SNTB1: variants seen among roughly 807,000 people sequenced by gnomAD.
SNTB1 encodes the protein syntrophin beta 1.
In SNTB1, 36 loss-of-function variants were observed where a neutral mutation model predicts 48.9. That is an observed-to-expected ratio of 0.74 (90% CI 0.56 to 0.97). The LOEUF is 0.97. SNTB1 is among the 50% of genes least tolerant of loss of function. SNTB1 has a pLI of 0.00. For synonymous variants in SNTB1, 299 were observed against 294.6 expected (o/e 1.01, Z -0.15); for missense variants, 786 against 703.4 (o/e 1.12, Z -1.33).
At chr8:120,561,038 G>A (rs1204445635) in intron 4 of SNTB1, among the ~76,000 whole-genome samples, 1 of 152,026 alleles carries the variant, frequency 6.6e-6, no homozygotes, top group Non-Finnish European at 1.5e-5. Context: ...GGAAACAGAA[G>A]GGAAAGAGGC....
At position 120,811,558 on chromosome 8, in the gene SNTB1, T is replaced by TGAA; in HGVS notation, c.283_285dup (p.Phe95dup). On this transcript the variant is annotated inframe_insertion, in exon 1 of 7. Transcript: ENST00000517992. Reference sequence around the variant, plus strand: ...TCGGGCACCTGCTCGGGCAGGTCGGTGAAAGCGGTGCGGACCCCGGCGGGC... The same window carrying TGAA: ...TCGGGCACCTGCTCGGGCAGGTCGGTGAAGAAAGCGGTGCGGACCCCGGCGGGC... 6.3e-7 allele frequency: 1 copy of TGAA among 1,590,578 alleles called. No homozygotes were observed. The highest frequency in any genetic ancestry group is 8.6e-7 in the Non-Finnish European group (1 of 1,168,660).
intron 2 of SNTB1, among the ~76,000 whole-genome samples, chr8:120,633,893 A>G (rs892475150): frequency 2.0e-5 from 3 of 152,202 alleles, no homozygotes; most frequent in Admixed American, 2.0e-4. Flanking sequence ...TATCAAAACT[A>G]GGAAACTGAC....
chr8:120,779,706 G>C (rs576235750), intron 1 of SNTB1, among the ~76,000 whole-genome samples: 87 of 152,276 alleles, frequency 5.7e-4, no homozygotes, highest in African/African-American at 2.1e-3. Flanking sequence ...GGCAGGGACA[G>C]AGCCGGAGCG....
intron 2 of SNTB1, among the ~76,000 whole-genome samples, chr8:120,647,341 G>A (rs1396173666): frequency 7.4e-5 from 11 of 148,216 alleles, no homozygotes; most frequent in South Asian, 6.6e-4. Flanking sequence ...CTTTGAATGC[G>A]TCCCAGAGAT....
At chr8:120,687,667 A>G (rs8180897) in intron 2 of SNTB1, among the ~76,000 whole-genome samples, 73,391 of 152,110 alleles carry the variant, frequency 0.48, 23,143 homozygotes, top group African/African-American at 0.87. Context: ...AGAGTGCATC[A>G]CTATTCTTTG....
At chr8:120,648,670 T>C (rs1256001480) in intron 2 of SNTB1, among the ~76,000 whole-genome samples, 3 of 151,710 alleles carry the variant, frequency 2.0e-5, no homozygotes, top group Admixed American at 6.6e-5. Context: ...TCGAGGAGTA[T>C]CTTTGTGGCG....
chr8:120,553,098 T>C (rs1815510092), intron 4 of SNTB1, among the ~76,000 whole-genome samples: 1 of 152,192 alleles, frequency 6.6e-6, no homozygotes, highest in Non-Finnish European at 1.5e-5. Flanking sequence ...TGCAGTCCCA[T>C]TCCTAACAGG....
chr8:120,770,697 T>C (rs1159113359), intron 1 of SNTB1, among the ~76,000 whole-genome samples: 3 of 151,956 alleles, frequency 2.0e-5, no homozygotes, highest in Admixed American at 6.6e-5. Flanking sequence ...CCGGTAATCC[T>C]AGCTACTCAG....
intron 3 of SNTB1, among the ~76,000 whole-genome samples, chr8:120,579,266 G>A (rs1477133479): frequency 6.6e-6 from 1 of 152,182 alleles, no homozygotes; most frequent in Non-Finnish European, 1.5e-5. Flanking sequence ...CCTCCCAGTG[G>A]GGATCTTGGC....
intron 3 of SNTB1, among the ~76,000 whole-genome samples, chr8:120,592,694 A>G (rs1816262034): frequency 6.6e-6 from 1 of 152,184 alleles, no homozygotes; most frequent in Non-Finnish European, 1.5e-5. Context: ...CAGGCATTAC[A>G]TAAGCCGTCA....
intron 1 of SNTB1, among the ~76,000 whole-genome samples, chr8:120,705,417 TTAA>T (rs1818365145): frequency 2.0e-5 from 3 of 152,210 alleles, no homozygotes. Flanking sequence ...TGTACAGGAC[TTAA>T]TAACTGGGGA....
intron 3 of SNTB1, among the ~76,000 whole-genome samples, chr8:120,598,253 C>T (rs1342784097): frequency 6.6e-6 from 1 of 152,148 alleles, no homozygotes; most frequent in Non-Finnish European, 1.5e-5. Flanking sequence ...GAACTCAGGG[C>T]TTATCTGGTC....
intron 5 of SNTB1, among the ~76,000 whole-genome samples, chr8:120,548,361 TC>T (rs1815418205): frequency 6.6e-6 from 1 of 152,204 alleles, no homozygotes; most frequent in South Asian, 2.1e-4. Context: ...TGTTTTCTGA[TC>T]AATCCTATTA....
At chr8:120,709,486 G>A (rs1229129801) in intron 1 of SNTB1, among the ~76,000 whole-genome samples, 2 of 152,156 alleles carry the variant, frequency 1.3e-5, no homozygotes, top group African/African-American at 4.8e-5. Flanking sequence ...AGTTCCAGTG[G>A]AAGGAGATGT....
At chr8:120,810,744 T>C (rs948057412) in intron 1 of SNTB1, among the ~76,000 whole-genome samples, 1 of 152,144 alleles carries the variant, frequency 6.6e-6, no homozygotes, top group African/African-American at 2.4e-5. Context: ...TTCACAATAT[T>C]GCCACCTCTC....
rs1418861822 is a variant in SNTB1 at position 120,632,609 on chromosome 8, G to C, written c.831C>G (p.Ile277Met). ...CCGTGGCTGAGTCCTTGCTCCTTAG[G>C]ATCACCGTGTGCTTAGCATCTGGAG... ...IHSPDAKHTV[I>M]LRSKDSATAQ... Residue 277 changes from isoleucine (I) to methionine (M), a missense_variant, in exon 3 of 7, where the codon ATC (isoleucine) becomes ATG (methionine). By Grantham distance (10) the Ile-to-Met change is conservative (BLOSUM62 1). Coordinates refer to ENST00000517992, the MANE Select transcript of SNTB1 (RefSeq NM_021021.4). 6.2e-7 allele frequency: 1 copy of C among 1,614,000 alleles called. No homozygotes were observed. Among genetic ancestry groups the C allele is most frequent in the African/African-American group, 1.3e-5 (1 of 74,900 alleles).
At chr8:120,591,208 ACTC>A (rs1816235518) in intron 3 of SNTB1, among the ~76,000 whole-genome samples, 1 of 151,434 alleles carries the variant, frequency 6.6e-6, no homozygotes, top group Non-Finnish European at 1.5e-5. Context: ...GCCACACCAA[ACTC>A]CTCCTCAAGA....
At chr8:120,578,049 T>C (rs190475853) in intron 3 of SNTB1, among the ~76,000 whole-genome samples, 135 of 152,296 alleles carry the variant, frequency 8.9e-4, no homozygotes, top group Non-Finnish European at 1.4e-3. Flanking sequence ...TGTTTTGTTT[T>C]TGAGATAGAG....
chr8:120,711,183 C>T (rs1818457372), intron 1 of SNTB1, among the ~76,000 whole-genome samples: 2 of 152,172 alleles, frequency 1.3e-5, no homozygotes, highest in Admixed American at 1.3e-4. Context: ...AATCTCAAAT[C>T]ACTTCATGAT....
Sources: gnomAD v4.1 joint callset for allele counts (sites outside exome capture counted in the v4.1 genomes callset) on GRCh38, gnomAD v4.1.1 for gene constraint, MANE v1.5 for transcripts, NCBI Gene and HGNC (gene_info 2026-07-23, HGNC 2026-07-21) for gene names.